The following STK24 variants were observed in gnomAD, a reference collection of about 807,000 sequenced individuals.
STK24 encodes the protein serine/threonine-protein kinase 24.
A neutral mutation model predicts 55.6 loss-of-function variants in STK24; 21 were observed. The observed-to-expected ratio is 0.38, with a 90% confidence interval of 0.27 to 0.54. The LOEUF (loss-of-function observed/expected upper bound fraction) is 0.54, where lower values mean the gene tolerates loss of function less well. Among genes scored for constraint, STK24 ranks in the 20% least tolerant of loss-of-function variants. The pLI is 0.79. For missense variants in STK24, 383 were observed against 538.4 expected (o/e 0.71, Z 2.86); for synonymous variants, 200 against 215.2 (o/e 0.93, Z 0.62).
At position 98,457,222 on chromosome 13, in the gene STK24, G is replaced by A. The variant is rs55953606; in HGVS notation, c.1205C>T (p.Ala402Val). ...LRGAIYLAEE[A>V]CPGISDTMVA... is the part of the protein sequence containing the mutation. ...CATGGTGTCGGAGATGCCAGGGCAC[G>A]CCTCCTCCGCTAGGTAGATGGCCCC... The change falls in exon 10 of 11, where the codon GCG becomes GTG. Residue 402 changes from alanine to valine, a missense_variant. Ala to Val is a moderately conservative substitution (Grantham distance 64). Transcript: ENST00000539966. 4.2e-3 allele frequency: 6,710 copies of A among 1,612,972 alleles called. 23 individuals are homozygous for A. Among genetic ancestry groups the A allele is most frequent in the Non-Finnish European group, 5.0e-3 (5,908 of 1,180,000 alleles).
chr13:98,482,387 C>T, intron 2 of STK24, 66 bp from the exon 3 acceptor site: 1 of 912,188 alleles, frequency 1.1e-6, no homozygotes, highest in Admixed American at 2.4e-5. Context: ...TTTTAATAAT[C>T]AAAGGGTATT....
chr13:98,521,626 C>T (rs1016016998), intron 1 of STK24: 2 of 605,400 alleles, frequency 3.3e-6, no homozygotes, highest in African/African-American at 3.7e-5. Context: ...CGGCCTTGAA[C>T]CTGCACCTCC....
intron 5 of STK24, among the ~76,000 whole-genome samples, chr13:98,472,666 A>G (rs1417142994): frequency 2.6e-5 from 4 of 152,318 alleles, no homozygotes; most frequent in South Asian, 2.1e-4. Flanking sequence ...TAATTTTTTA[A>G]TAAGTTTGTA....
intron 5 of STK24, among the ~76,000 whole-genome samples, chr13:98,469,642 C>T (rs1316381688): frequency 6.6e-6 from 1 of 151,990 alleles, no homozygotes; most frequent in African/African-American, 2.4e-5. Context: ...TTGGACCCTC[C>T]TAAATCCAGC....
At chr13:98,562,260 G>C (rs117842085) in intron 1 of STK24, among the ~76,000 whole-genome samples, 1 of 152,128 alleles carries the variant, frequency 6.6e-6, no homozygotes, top group Non-Finnish European at 1.5e-5. Context: ...ATACTTTAAC[G>C]GAGATGGAGT....
chr13:98,447,998 G>A lies in STK24; in HGVS notation c.*5175C>T. ...GCTCCTAACTGCTCCAATGGAGCGG[G>A]CAGTGTCACTGCAGCAAGGTACTTC... On this transcript the variant is annotated 3_prime_UTR_variant, in exon 11 of 11. Transcript: ENST00000539966. 1.8e-6 allele frequency: 1 copy of A among 566,018 alleles called. No individual in the cohort carries two copies. Among genetic ancestry groups the A allele is most frequent in the Non-Finnish European group, 3.2e-6 (1 of 316,654 alleles). 35.1% of individuals were successfully genotyped at this position (566,018 alleles called of 1,614,324 possible). A position where few individuals can be genotyped will look rare whatever the true frequency, so the allele number is the denominator to read the frequency against.
At chr13:98,497,912 G>A (rs1245393019) in intron 2 of STK24, among the ~76,000 whole-genome samples, 1 of 152,186 alleles carries the variant, frequency 6.6e-6, no homozygotes, top group African/African-American at 2.4e-5. Flanking sequence ...AAGACCAAGT[G>A]GGACTGGCTG....
At chr13:98,476,380 G>T (rs943645129) in intron 3 of STK24, among the ~76,000 whole-genome samples, 1 of 152,148 alleles carries the variant, frequency 6.6e-6, no homozygotes, top group East Asian at 1.9e-4. Flanking sequence ...ATGCAGGTAG[G>T]GTTCCCCCAA....
rs1218981858 is a variant in STK24 at position 98,457,192 on chromosome 13, G to A, written c.1235C>T (p.Ala412Val). ...ACPGISDTMV[A>V]QLVQRLQRYS... ...CCTCTGGAGCCGCTGCACGAGCTGG[G>A]CCACCATGGTGTCGGAGATGCCAGG... The change falls in exon 10 of 11, where the codon GCC becomes GTC. Residue 412 changes from alanine to valine, a missense_variant. Ala to Val is a moderately conservative substitution (Grantham distance 64, BLOSUM62 0). Coordinates refer to ENST00000539966, the MANE Select transcript of STK24 (RefSeq NM_001032296.4). The A allele has an allele frequency of 1.9e-6, 3 of 1,611,754 alleles. No individual in the cohort carries two copies. Among genetic ancestry groups the A allele is most frequent in the African/African-American group, 2.7e-5 (2 of 74,888 alleles).
chr13:98,536,815 C>G (rs955759649), intron 1 of STK24, among the ~76,000 whole-genome samples: 6 of 152,094 alleles, frequency 3.9e-5, no homozygotes, highest in African/African-American at 1.2e-4. Flanking sequence ...CATACCCTGC[C>G]AGCCACCACA....
chr13:98,510,239 G>T (rs1429111901), intron 2 of STK24, among the ~76,000 whole-genome samples: 1 of 152,124 alleles, frequency 6.6e-6, no homozygotes, highest in Non-Finnish European at 1.5e-5. Flanking sequence ...CCCGAGTCGG[G>T]GCTCAGACCA....
rs2139185974 is a variant in STK24 at position 98,447,791 on chromosome 13, G to C, written c.*5382C>G. ...TGAGCCCAGGAGGTAGCTACAGTGG[G>C]CGATAACTGCACCACTGAACTCCAG... On this transcript the variant is annotated 3_prime_UTR_variant, in exon 11 of 11. Transcript: ENST00000539966. 2 of 168,282 alleles carry C rather than the reference G, an allele frequency of 1.2e-5. No individual in the cohort carries two copies. Among genetic ancestry groups the C allele is most frequent in the Middle Eastern group, 5.7e-3 (2 of 352 alleles). 10.4% of individuals were successfully genotyped at this position (168,282 alleles called of 1,614,324 possible). A position where few individuals can be genotyped will look rare whatever the true frequency, so the allele number is the denominator to read the frequency against.
intron 1 of STK24, among the ~76,000 whole-genome samples, chr13:98,571,082 C>A (rs559796594): frequency 6.6e-6 from 1 of 152,228 alleles, no homozygotes; most frequent in East Asian, 1.9e-4. Flanking sequence ...CGGGAGTAAT[C>A]GCCCAAATAA....
intron 1 of STK24, chr13:98,521,744 A>G (rs1896268421): frequency 2.6e-6 from 2 of 778,394 alleles, no homozygotes; most frequent in East Asian, 2.4e-5. Flanking sequence ...AGCAGCTACT[A>G]TCCTCGCTGC....
In STK24 at chr13:98,450,721, G is replaced by A. The variant is rs1893148552; in HGVS notation, c.*2452C>T. ...AAACCCGTCTCAAAGGCTGGGCCTG[G>A]CTACAGACCAGCAGCAGTTGACGCT... On this transcript the variant is annotated 3_prime_UTR_variant, in exon 11 of 11. Coordinates refer to ENST00000539966, the MANE Select transcript of STK24 (RefSeq NM_001032296.4). The A allele has an allele frequency of 1.3e-5, 2 of 152,412 alleles. No homozygotes were observed. Among genetic ancestry groups the A allele is most frequent in the South Asian group, 4.1e-4 (2 of 4,832 alleles). The allele number at this position is 152,412 out of a possible 1,614,324, so 9.4% of individuals were successfully genotyped here. A position where few individuals can be genotyped will look rare whatever the true frequency, so the allele number is the denominator to read the frequency against.
At chr13:98,574,192 T>C (rs1040026078) in intron 1 of STK24, among the ~76,000 whole-genome samples, 1 of 152,154 alleles carries the variant, frequency 6.6e-6, no homozygotes, top group Non-Finnish European at 1.5e-5. Context: ...TTTGGATTTT[T>C]AGTAGAAACA....
chr13:98,542,534 A>ACTCT lies in STK24; in HGVS notation c.43-23065_43-23062dup, dbSNP rs200429249. Among the ~76,000 whole-genome samples, 15 of 151,862 alleles carry ACTCT rather than the reference A, an allele frequency of 9.9e-5. No homozygotes were observed. The East Asian group carries it at 2.9e-3, about 29-fold the overall frequency. ...CAGTAACCCCTCATACTCACAGAGC[A>ACTCT]CTCTGTGTTTTTCAGGAAACCAGCA... On this transcript the variant is annotated intron_variant, in intron 1 of 10. Transcript: ENST00000539966.
At chr13:98,541,840 C>CG (rs1022917192) in intron 1 of STK24, among the ~76,000 whole-genome samples, 16 of 152,258 alleles carry the variant, frequency 1.1e-4, no homozygotes, top group South Asian at 4.1e-4. Context: ...TACTGAAGCC[C>CG]GGGGGTTAGC....
At chr13:98,472,803 A>C (rs1894202927) in intron 5 of STK24, among the ~76,000 whole-genome samples, 2 of 152,216 alleles carry the variant, frequency 1.3e-5, no homozygotes, top group Admixed American at 1.3e-4. Flanking sequence ...GGTAAGTTTT[A>C]AATCTTTAAA....
Sources: allele counts gnomAD v4.1 joint callset (sites outside exome capture counted in the v4.1 genomes callset), GRCh38; gene constraint gnomAD v4.1.1; transcripts MANE v1.5; gene names NCBI Gene and HGNC (gene_info 2026-07-23, HGNC 2026-07-21).